TNR: variants seen among roughly 807,000 people sequenced by gnomAD.
TNR encodes tenascin R, also known as tenascin-R.
In TNR, 45 loss-of-function variants were observed where a neutral mutation model predicts 150.4. That is an observed-to-expected ratio of 0.30 (90% CI 0.24 to 0.38). The LOEUF is 0.38. TNR is among the 10% of genes least tolerant of loss of function. The pLI is 1.00. For synonymous variants in TNR, 687 were observed against 678.4 expected (o/e 1.01, Z -0.20); for missense variants, 1,544 against 1,759.1 (o/e 0.88, Z 2.19).
At chr1:175,470,174 T>C (rs1410648789) in intron 2 of TNR, among the ~76,000 whole-genome samples, 1 of 152,142 alleles carries the variant, frequency 6.6e-6, no homozygotes, top group African/African-American at 2.4e-5. Flanking sequence ...GCAGCTGATA[T>C]GTGGATCTGG....
intron 2 of TNR, among the ~76,000 whole-genome samples, chr1:175,411,686 A>G (rs1654223725): frequency 6.6e-6 from 1 of 151,774 alleles, no homozygotes; most frequent in South Asian, 2.1e-4. Context: ...TTGTCTTCTT[A>G]AAAGTACAGC....
intron 18 of TNR, among the ~76,000 whole-genome samples, chr1:175,344,034 C>A (rs983450187): frequency 1.3e-5 from 2 of 152,182 alleles, no homozygotes; most frequent in African/African-American, 4.8e-5. Context: ...TTTATTAAAG[C>A]AAGAAAGCAC....
chr1:175,497,717 C>T (rs961505497), intron 2 of TNR, among the ~76,000 whole-genome samples: 6 of 152,086 alleles, frequency 3.9e-5, no homozygotes, highest in African/African-American at 1.2e-4. Context: ...TACCATGAGT[C>T]GGTCCCTTGG....
At chr1:175,518,318 G>A (rs1659496316) in intron 2 of TNR, among the ~76,000 whole-genome samples, 1 of 152,156 alleles carries the variant, frequency 6.6e-6, no homozygotes, top group African/African-American at 2.4e-5. Context: ...CACCCACAGG[G>A]CCAGGTCTAG....
chr1:175,611,618 G>A (rs1663600589), intron 1 of TNR, among the ~76,000 whole-genome samples: 1 of 152,284 alleles, frequency 6.6e-6, no homozygotes, highest in South Asian at 2.1e-4. Context: ...ACAGGCATGA[G>A]CCTCTATGCC....
chr1:175,487,080 TTACTC>T (rs1557963480), intron 2 of TNR, among the ~76,000 whole-genome samples: 1 of 152,270 alleles, frequency 6.6e-6, no homozygotes, highest in African/African-American at 2.4e-5. Flanking sequence ...GGTTGCCTGT[TTACTC>T]TGATGATAGT....
chr1:175,537,075 G>A lies in TNR; in HGVS notation c.-164-8706C>T, dbSNP rs143363530. Among the ~76,000 whole-genome samples, 7 of 152,248 alleles carry A rather than the reference G, an allele frequency of 4.6e-5. No individual in the cohort carries two copies. The East Asian group carries it at 1.2e-3, about 25-fold the overall frequency. On this transcript the variant is annotated intron_variant, in intron 1 of 22. Coordinates refer to ENST00000367674, the MANE Select transcript of TNR (RefSeq NM_003285.3). The stretch of plus-strand genomic sequence containing the variant: ...TGGCCAAAGCTTGACAGAGACAAAT[G>A]TTTCATTACCAGGAGGCTTTGGTGC...
intron 1 of TNR, among the ~76,000 whole-genome samples, chr1:175,580,615 C>T (rs755688068): frequency 5.9e-5 from 9 of 152,190 alleles, no homozygotes; most frequent in African/African-American, 1.2e-4. Flanking sequence ...CAAAAGAAAG[C>T]TTGTGGGATG....
At chr1:175,636,120 C>A (rs1664485252) in intron 1 of TNR, among the ~76,000 whole-genome samples, 1 of 152,106 alleles carries the variant, frequency 6.6e-6, no homozygotes, top group African/African-American at 2.4e-5. Flanking sequence ...ATGTGACTAT[C>A]CAGAGATGTC....
chr1:175,593,663 G>A (rs1662894519), intron 1 of TNR, among the ~76,000 whole-genome samples: 1 of 152,280 alleles, frequency 6.6e-6, no homozygotes, highest in East Asian at 1.9e-4. Context: ...TTCCAAAAGA[G>A]CCTGTCCTTC....
At chr1:175,672,252 G>T (rs1456958542) in intron 1 of TNR, among the ~76,000 whole-genome samples, 1 of 152,130 alleles carries the variant, frequency 6.6e-6, no homozygotes, top group African/African-American at 2.4e-5. Flanking sequence ...TCCCTGCCCT[G>T]CCTCCCCTGG....
intron 1 of TNR, among the ~76,000 whole-genome samples, chr1:175,589,134 G>A (rs1006418606): frequency 6.6e-6 from 1 of 152,000 alleles, no homozygotes; most frequent in Non-Finnish European, 1.5e-5. Context: ...GGAGGGGAAG[G>A]GGGGCACTCT....
intron 1 of TNR, among the ~76,000 whole-genome samples, chr1:175,548,834 T>A (rs537890522): frequency 6.6e-6 from 1 of 152,218 alleles, no homozygotes; most frequent in East Asian, 1.9e-4. Context: ...ATTTATCTGC[T>A]GGAATGCTCA....
chr1:175,360,628 G>A (rs530078778), intron 14 of TNR, among the ~76,000 whole-genome samples: 2 of 152,172 alleles, frequency 1.3e-5, no homozygotes, highest in Non-Finnish European at 2.9e-5. Flanking sequence ...AAGATCTGCT[G>A]TGGATCTTGC....
chr1:175,537,705 C>G (rs1055471801), intron 1 of TNR, among the ~76,000 whole-genome samples: 1 of 152,190 alleles, frequency 6.6e-6, no homozygotes, highest in Non-Finnish European at 1.5e-5. Context: ...GGGCTGTGAG[C>G]CAAAACCCTT....
intron 1 of TNR, among the ~76,000 whole-genome samples, chr1:175,686,449 G>T (rs1666203641): frequency 6.6e-6 from 1 of 151,832 alleles, no homozygotes; most frequent in Non-Finnish European, 1.5e-5. Context: ...GTCTTAGTTT[G>T]CAAAACTCAT....
At chr1:175,642,718 G>A (rs1004992284) in intron 1 of TNR, among the ~76,000 whole-genome samples, 14 of 152,126 alleles carry the variant, frequency 9.2e-5, no homozygotes, top group African/African-American at 3.4e-4. Flanking sequence ...GATCACTTGA[G>A]GCCAGGGGTT....
At chr1:175,660,529 C>T (rs1005779285) in intron 1 of TNR, among the ~76,000 whole-genome samples, 14 of 152,234 alleles carry the variant, frequency 9.2e-5, no homozygotes, top group African/African-American at 3.4e-4. Flanking sequence ...CCCTGTATAG[C>T]TCTCAGGCTT....
intron 1 of TNR, among the ~76,000 whole-genome samples, chr1:175,646,161 T>C (rs1664804069): frequency 6.6e-6 from 1 of 152,206 alleles, no homozygotes. Flanking sequence ...TTCTTCCTTA[T>C]CCTTCTACTT....
Sources: allele counts gnomAD v4.1 joint callset (sites outside exome capture counted in the v4.1 genomes callset), GRCh38; gene constraint gnomAD v4.1.1; transcripts MANE v1.5; gene names NCBI Gene and HGNC (gene_info 2026-07-23, HGNC 2026-07-21).